The following PCSK5 variants were observed in gnomAD, a reference collection of about 807,000 sequenced individuals.
The protein encoded by PCSK5 is proprotein convertase subtilisin/kexin type 5, also known as prohormone convertase 5.
A neutral mutation model predicts 233.2 loss-of-function variants in PCSK5; 129 were observed. The ratio of observed to expected loss-of-function variants is 0.55; its 90% CI spans 0.48 to 0.64. The LOEUF (loss-of-function observed/expected upper bound fraction) is 0.64. Ranked by LOEUF, PCSK5 falls within the 30% of genes least tolerant of loss-of-function variation. The pLI is 0.00. For missense variants in PCSK5, 2,076 were observed against 2,430.1 expected, an observed-to-expected ratio of 0.85 and a Z score of 3.06; for synonymous variants, 825 against 879.2, an observed-to-expected ratio of 0.94 and a Z score of 1.09.
chr9:76,351,469 A>AAAGAAAGAAAG lies in PCSK5; in HGVS notation c.5067+544_5067+554dup, dbSNP rs1564196632. Among the ~76,000 whole-genome samples the AAAGAAAGAAAG allele has an allele frequency of 9.0e-4, 62 of 68,880 alleles. 5 individuals are homozygous for AAAGAAAGAAAG. Among genetic ancestry groups the AAAGAAAGAAAG allele is most frequent in the African/African-American group, 2.7e-3 (56 of 20,990 alleles). The allele number at this position is 68,880 out of a possible 152,430, so 45.2% of individuals were successfully genotyped here. A position where few individuals can be genotyped will look rare whatever the true frequency, so the allele number is the denominator to read the frequency against. ...AAAGGAAAGAAAGAAAGAAAGAAAG[A>AAAGAAAGAAAG]AAGAAAGAAAGAAAGAAAGAAAGAA... On this transcript the variant is annotated intron_variant, in intron 36 of 37. Transcript: ENST00000674117.
At chr9:76,277,531 C>T (rs528373474) in intron 24 of PCSK5, among the ~76,000 whole-genome samples, 3 of 152,308 alleles carry the variant, frequency 2.0e-5, no homozygotes, top group African/African-American at 7.2e-5. Context: ...ATTTCAATTA[C>T]TTATTCCAGT....
intron 7 of PCSK5, among the ~76,000 whole-genome samples, chr9:76,092,963 A>G (rs12003957): frequency 0.035 from 5,313 of 152,254 alleles, 302 homozygotes; most frequent in African/African-American, 0.12. Flanking sequence ...AAAAAAGAAA[A>G]TAAAAAGCTT....
At chr9:76,147,602 C>T (rs897163177) in intron 10 of PCSK5, among the ~76,000 whole-genome samples, 1 of 152,180 alleles carries the variant, frequency 6.6e-6, no homozygotes, top group Non-Finnish European at 1.5e-5. Flanking sequence ...GAAATGTGTG[C>T]TTTAGCAAGT....
chr9:76,356,863 T>G lies in PCSK5; in HGVS notation c.5255-1650T>G, dbSNP rs182428812. 5.3e-5 allele frequency among the ~76,000 whole-genome samples: 8 copies of G among 152,276 alleles called. No homozygotes were observed. The East Asian group carries it at 1.5e-3, about 29-fold the overall frequency. On this transcript the variant is annotated intron_variant, in intron 37 of 37. Coordinates refer to ENST00000674117, the MANE Select transcript of PCSK5 (RefSeq NM_001372043.1). ...ATACCTAGAATGTACCTGTGTAGGA[T>G]GTACCTAGAATTGCTCATGAAATTA...
In PCSK5 at chr9:76,338,456, C is replaced by G; in HGVS notation, c.4966+9C>G. 6.3e-7 allele frequency: 1 copy of G among 1,584,384 alleles called. No homozygotes were observed. The highest frequency in any genetic ancestry group is 8.7e-7 in the Non-Finnish European group (1 of 1,154,296). On this transcript the variant is annotated intron_variant, in intron 35 of 37. Coordinates refer to ENST00000674117, the MANE Select transcript of PCSK5 (RefSeq NM_001372043.1). ...TTGTGATCAATGCAAAGGTGAGAGT[C>G]TACCTGTCATTTTGCATGAGTGCGT... is the stretch of plus-strand genomic sequence containing the variant.
At chr9:76,140,200 A>C (rs1823152043) in intron 10 of PCSK5, among the ~76,000 whole-genome samples, 1 of 152,104 alleles carries the variant, frequency 6.6e-6, no homozygotes, top group Non-Finnish European at 1.5e-5. Context: ...TGATGGTTGC[A>C]CTATTTACCT....
chr9:75,995,683 A>T (rs868833908), intron 3 of PCSK5, among the ~76,000 whole-genome samples: 1 of 151,686 alleles, frequency 6.6e-6, no homozygotes, highest in Non-Finnish European at 1.5e-5. Context: ...TGTGGGCTAG[A>T]TGGAGGTCCA....
In PCSK5 at chr9:76,338,283, AG is replaced by A; in HGVS notation, c.4806del (p.Cys1603AlafsTer35). On this transcript the variant is annotated frameshift_variant, in exon 35 of 38. Coordinates refer to ENST00000674117, the MANE Select transcript of PCSK5 (RefSeq NM_001372043.1). LOFTEE classifies it high-confidence loss of function. ...TGTGAGAGGTGCAACAGGAGCTGCAAGGGGTGCCAGGGCCCACGGCCCACAG... is the reference window on the plus strand; with the variant it reads ...TGTGAGAGGTGCAACAGGAGCTGCAAGGGTGCCAGGGCCCACGGCCCACAG... ...GRCERCNRSC[K>X]GCQGPRPTDC... The A allele has an allele frequency of 6.2e-7, 1 of 1,612,698 alleles. No homozygotes were observed. Among genetic ancestry groups the A allele is most frequent in the Non-Finnish European group, 8.5e-7 (1 of 1,179,782 alleles).
At chr9:76,254,330 A>G (rs1174694972) in intron 24 of PCSK5, among the ~76,000 whole-genome samples, 2 of 152,218 alleles carry the variant, frequency 1.3e-5, no homozygotes, top group Non-Finnish European at 2.9e-5. Context: ...GTGTGTTTGT[A>G]CATGAAATAG....
At chr9:76,201,498 G>A (rs994694164) in intron 20 of PCSK5, among the ~76,000 whole-genome samples, 2 of 152,146 alleles carry the variant, frequency 1.3e-5, no homozygotes, top group Admixed American at 6.6e-5. Flanking sequence ...GCACCCACAA[G>A]GAGAAATACA....
At position 76,115,308 on chromosome 9, in the gene PCSK5, G is replaced by A. The variant is rs548567867; in HGVS notation, c.1208+7957G>A. 2.6e-5 allele frequency among the ~76,000 whole-genome samples: 4 copies of A among 152,072 alleles called. No homozygotes were observed. In the South Asian group the frequency reaches 6.2e-4, roughly 24 times the overall value. ...ATTAATCTGCAAAAAGTGCCTACCC[G>A]GAGATCATGATTGCTATAAGTGACT... is the stretch of plus-strand genomic sequence containing the variant. On this transcript the variant is annotated intron_variant, in intron 9 of 37. Transcript: ENST00000674117.
At chr9:76,150,514 T>G (rs1200167752) in intron 10 of PCSK5, among the ~76,000 whole-genome samples, 1 of 152,080 alleles carries the variant, frequency 6.6e-6, no homozygotes, top group East Asian at 1.9e-4. Context: ...ATGCTTGTAA[T>G]CCCAGCTACT....
chr9:76,113,454 A>G (rs1426121691), intron 9 of PCSK5, among the ~76,000 whole-genome samples: 2 of 152,164 alleles, frequency 1.3e-5, no homozygotes, highest in Non-Finnish European at 2.9e-5. Flanking sequence ...CAACCACTCT[A>G]TGTCTTTGTT....
At chr9:75,972,050 T>C (rs1825832871) in intron 2 of PCSK5, among the ~76,000 whole-genome samples, 1 of 151,898 alleles carries the variant, frequency 6.6e-6, no homozygotes, top group South Asian at 2.1e-4. Flanking sequence ...TGAGTTAATT[T>C]TTGTATAAGG....
chr9:76,165,894 C>T (rs759188936), intron 12 of PCSK5, among the ~76,000 whole-genome samples: 8 of 151,878 alleles, frequency 5.3e-5, no homozygotes, highest in South Asian at 2.1e-4. Context: ...TTGGAATCTC[C>T]GTAGCAGGTG....
Position 76,135,193 on chromosome 9 carries a change from T to C in PCSK5, c.1312+981T>C, listed in dbSNP as rs946282274. On this transcript the variant is annotated intron_variant, in intron 10 of 37. Transcript: ENST00000674117. Reference sequence around the variant, plus strand: ...GCCCTAATAATTTAAGCATTTTGGATGCTAAGTAATATTATCTACGTATCA... The same window carrying C: ...GCCCTAATAATTTAAGCATTTTGGACGCTAAGTAATATTATCTACGTATCA... 3.3e-5 allele frequency among the ~76,000 whole-genome samples: 5 copies of C among 152,092 alleles called. No homozygotes were observed. The East Asian group carries it at 9.6e-4, about 29-fold the overall frequency.
intron 7 of PCSK5, among the ~76,000 whole-genome samples, chr9:76,093,815 T>C (rs968041769): frequency 1.3e-5 from 2 of 152,138 alleles, no homozygotes; most frequent in African/African-American, 2.4e-5. Flanking sequence ...ATTCTTTCTT[T>C]CCCTCTGGTA....
At chr9:76,069,944 T>C (rs763844211) in intron 6 of PCSK5, among the ~76,000 whole-genome samples, 1 of 152,042 alleles carries the variant, frequency 6.6e-6, no homozygotes, top group Non-Finnish European at 1.5e-5. Context: ...TCGAGATCAT[T>C]ATGTAGGGTT....
At chr9:75,948,782 G>A (rs1473334327) in intron 2 of PCSK5, among the ~76,000 whole-genome samples, 2 of 152,042 alleles carry the variant, frequency 1.3e-5, no homozygotes, top group African/African-American at 4.8e-5. Context: ...CACCAACAGT[G>A]TAAAAGCATT....
Sources: gnomAD v4.1 joint callset for allele counts (sites outside exome capture counted in the v4.1 genomes callset) on GRCh38, gnomAD v4.1.1 for gene constraint, MANE v1.5 for transcripts, NCBI Gene and HGNC (gene_info 2026-07-23, HGNC 2026-07-21) for gene names.